The following PHF21B variants were observed in gnomAD, a reference collection of about 807,000 sequenced individuals.
PHF21B encodes PHD finger protein 21B.
A neutral mutation model predicts 62.2 loss-of-function variants in PHF21B; 22 were observed. The ratio of observed to expected loss-of-function variants is 0.35; its 90% CI spans 0.25 to 0.51. The LOEUF is 0.51. PHF21B is among the 20% of genes least tolerant of loss of function. The pLI, the probability that PHF21B is intolerant of heterozygous loss-of-function variation, is 0.97. For missense variants in PHF21B, 701 were observed against 707.9 expected, an observed-to-expected ratio of 0.99 and a Z score of 0.11; for synonymous variants, 341 against 314.7, an observed-to-expected ratio of 1.08 and a Z score of -0.88.
At chr22:44,911,732 G>T (rs1288695625) in intron 5 of PHF21B, among the ~76,000 whole-genome samples, 2 of 152,228 alleles carry the variant, frequency 1.3e-5, no homozygotes, top group East Asian at 3.8e-4. Flanking sequence ...TCTCTGCTAG[G>T]GCAGTGCAGA....
At chr22:44,981,137 G>C (rs79826734) in intron 2 of PHF21B, among the ~76,000 whole-genome samples, 10,375 of 152,212 alleles carry the variant, frequency 0.068, 408 homozygotes, top group Middle Eastern at 0.14. Context: ...ATGAGGAAAC[G>C]GCCTTTATGT....
chr22:44,931,003 A>G (rs577320733), intron 2 of PHF21B, among the ~76,000 whole-genome samples: 7 of 152,348 alleles, frequency 4.6e-5, no homozygotes, highest in South Asian at 4.1e-4. Flanking sequence ...GAAGACCTCA[A>G]TGCTGGAACC....
chr22:44,883,094 G>A lies in PHF21B; in HGVS notation c.1588C>T (p.His530Tyr), dbSNP rs1173072137. ...AGACTGGTCCCTCGGGGTCAGTTGT[G>A]GCCCTGGGGGTGCTGGACGGTGGGG... ...THPTVQHPQG[H>Y]N Residue 530 changes from histidine to tyrosine, a missense_variant, in exon 13 of 13, where the codon CAC becomes TAC. His to Tyr is a moderately conservative substitution (Grantham distance 83). Transcript: ENST00000313237. 6.2e-7 allele frequency: 1 copy of A among 1,610,448 alleles called. No individual in the cohort carries two copies. Among genetic ancestry groups the A allele is most frequent in the Non-Finnish European group, 8.5e-7 (1 of 1,179,242 alleles).
At chr22:44,986,377 A>C (rs1353756386) in intron 2 of PHF21B, among the ~76,000 whole-genome samples, 1 of 148,542 alleles carries the variant, frequency 6.7e-6, no homozygotes, top group Non-Finnish European at 1.5e-5. Context: ...TCACCATGAC[A>C]CCCATCACCA....
At chr22:44,892,511 C>T (rs1021192582) in intron 7 of PHF21B, among the ~76,000 whole-genome samples, 3 of 152,250 alleles carry the variant, frequency 2.0e-5, no homozygotes, top group Admixed American at 2.0e-4. Context: ...GACTAGCCCG[C>T]ACCCTGGGAG....
At chr22:44,989,141 G>C (rs2073002141) in intron 2 of PHF21B, 2 of 152,226 alleles carry the variant, frequency 1.3e-5, no homozygotes, top group Non-Finnish European at 2.9e-5. Context: ...CCCATGGCAG[G>C]CTGGCGGATC....
At chr22:44,941,084 T>C (rs1055131224) in intron 2 of PHF21B, among the ~76,000 whole-genome samples, 2 of 152,208 alleles carry the variant, frequency 1.3e-5, no homozygotes, top group Non-Finnish European at 2.9e-5. Context: ...GCAGTCCTGA[T>C]GTCATGGACT....
chr22:44,944,303 T>C (rs2072020842), intron 2 of PHF21B, among the ~76,000 whole-genome samples: 1 of 152,174 alleles, frequency 6.6e-6, no homozygotes, highest in South Asian at 2.1e-4. Flanking sequence ...ACGTGCATCT[T>C]ATTTCTGGGG....
intron 5 of PHF21B, among the ~76,000 whole-genome samples, chr22:44,911,072 C>T (rs979092988): frequency 1.3e-5 from 2 of 152,192 alleles, no homozygotes; most frequent in Admixed American, 1.3e-4. Flanking sequence ...CGGCATTTTG[C>T]CTCTGCTCTA....
chr22:44,888,664 C>T (rs1286414397), intron 9 of PHF21B, among the ~76,000 whole-genome samples: 1 of 152,214 alleles, frequency 6.6e-6, no homozygotes, highest in Non-Finnish European at 1.5e-5. Context: ...GCTCCAACTT[C>T]AGAGTTGGAA....
chr22:44,933,565 C>G, intron 2 of PHF21B: 1 of 984,188 alleles, frequency 1.0e-6, no homozygotes, highest in Non-Finnish European at 1.2e-6. Context: ...CTGCCCGCAA[C>G]TCAACGGAAG....
chr22:44,941,816 G>A (rs1380863614), intron 2 of PHF21B, among the ~76,000 whole-genome samples: 4 of 152,122 alleles, frequency 2.6e-5, no homozygotes, highest in Non-Finnish European at 5.9e-5. Flanking sequence ...GGCTGGGGGG[G>A]CCACCTGCCA....
At chr22:44,887,143 C>T (rs1381090412) in intron 10 of PHF21B, among the ~76,000 whole-genome samples, 8 of 130,048 alleles carry the variant, frequency 6.2e-5, no homozygotes, top group South Asian at 2.3e-4. Context: ...GCAACAAGAG[C>T]GAAACTCCAT....
chr22:44,957,756 T>A (rs1308663821), intron 2 of PHF21B, among the ~76,000 whole-genome samples: 1 of 152,162 alleles, frequency 6.6e-6, no homozygotes. Flanking sequence ...GATCTGCTGT[T>A]TTTCTGGGCT....
At chr22:44,933,111 ATTTCT>A (rs2071774226) in intron 2 of PHF21B, among the ~76,000 whole-genome samples, 1 of 122,022 alleles carries the variant, frequency 8.2e-6, no homozygotes, top group Admixed American at 1.0e-4. Flanking sequence ...GGTCTCTTCT[ATTTCT>A]TTTTTTTTTT....
chr22:44,964,708 C>A (rs1218095606), intron 2 of PHF21B, among the ~76,000 whole-genome samples: 1 of 152,216 alleles, frequency 6.6e-6, no homozygotes, highest in African/African-American at 2.4e-5. Flanking sequence ...TTCATTCATT[C>A]ATTCACTCAT....
chr22:44,946,505 G>A (rs1273692275), intron 2 of PHF21B, among the ~76,000 whole-genome samples: 3 of 152,242 alleles, frequency 2.0e-5, no homozygotes, highest in African/African-American at 7.2e-5. Context: ...TGTTATTATG[G>A]ATGGATGAAA....
chr22:44,929,971 TCCACCCAC>T (rs2071708498), intron 2 of PHF21B, among the ~76,000 whole-genome samples: 1 of 152,138 alleles, frequency 6.6e-6, no homozygotes, highest in East Asian at 1.9e-4. Context: ...CAAGCTGGGA[TCCACCCAC>T]TGTCACTAGG....
chr22:44,966,292 C>T (rs577434098), intron 2 of PHF21B, among the ~76,000 whole-genome samples: 2 of 152,348 alleles, frequency 1.3e-5, no homozygotes, highest in East Asian at 1.9e-4. Context: ...TCAAAAAACC[C>T]GGAGTCTCCA....
Sources: gnomAD v4.1 joint callset for allele counts (sites outside exome capture counted in the v4.1 genomes callset) on GRCh38, gnomAD v4.1.1 for gene constraint, MANE v1.5 for transcripts, NCBI Gene and HGNC (gene_info 2026-07-23, HGNC 2026-07-21) for gene names.